GPC3: variants seen among roughly 807,000 people sequenced by gnomAD.
GPC3 encodes glypican 3.
Under a neutral mutation model 34.4 loss-of-function variants are expected in GPC3, and 3 were observed. That is an observed-to-expected ratio of 0.09 (90% CI 0.04 to 0.23). GPC3 has a LOEUF of 0.23. Ranked by LOEUF, GPC3 falls within the 10% of genes least tolerant of loss-of-function variation. The pLI, the probability that GPC3 is intolerant of heterozygous loss-of-function variation, is 1.00. For missense variants in GPC3, 351 were observed against 445.6 expected (o/e 0.79, Z 1.91); for synonymous variants, 177 against 174.0 (o/e 1.02, Z -0.13).
intron 3 of GPC3, among the ~76,000 whole-genome samples, chrX:133,726,279 C>A (rs1368843515): frequency 9.0e-6 from 1 of 111,546 alleles, no homozygotes. Context: ...GGTTACAACT[C>A]CTCTGCAAAA....
intron 2 of GPC3, among the ~76,000 whole-genome samples, chrX:133,829,132 G>A (rs1327298749): frequency 9.0e-6 from 1 of 111,677 alleles, no homozygotes; most frequent in Non-Finnish European, 1.9e-5. Flanking sequence ...ATAAAAGGTT[G>A]GAAGAAAACA....
At chrX:133,963,734 A>C (rs994038595) in intron 1 of GPC3, among the ~76,000 whole-genome samples, 3 of 111,754 alleles carry the variant, frequency 2.7e-5, no homozygotes, top group Non-Finnish European at 3.8e-5. Flanking sequence ...TATCCCTACT[A>C]TTAAGTTATA....
At chrX:133,914,131 G>T (rs1279569616) in intron 2 of GPC3, among the ~76,000 whole-genome samples, 1 of 111,332 alleles carries the variant, frequency 9.0e-6, no homozygotes, top group Non-Finnish European at 1.9e-5. Context: ...CAATGGTGAG[G>T]AATGTTTGAG....
chrX:133,623,221 G>C (rs1286044608), intron 6 of GPC3, among the ~76,000 whole-genome samples: 1 of 111,839 alleles, frequency 8.9e-6, no homozygotes, highest in Non-Finnish European at 1.9e-5. Flanking sequence ...AAATTATAAA[G>C]ACAATCAAGG....
intron 2 of GPC3, among the ~76,000 whole-genome samples, chrX:133,925,941 C>G (rs781266864): frequency 9.0e-6 from 1 of 111,340 alleles, no homozygotes; most frequent in African/African-American, 3.3e-5. Context: ...GAACTAGCAA[C>G]TAAAGCTAAC....
chrX:133,645,568 T>C (rs955409201), intron 6 of GPC3, among the ~76,000 whole-genome samples: 1 of 112,134 alleles, frequency 8.9e-6, no homozygotes, highest in Non-Finnish European at 1.9e-5. Flanking sequence ...CTGTTCATCA[T>C]TGCTAGCCAA....
At chrX:133,599,194 T>C (rs2069953827) in intron 6 of GPC3, among the ~76,000 whole-genome samples, 1 of 112,256 alleles carries the variant, frequency 8.9e-6, no homozygotes, top group Non-Finnish European at 1.9e-5. Context: ...GAGATGCACA[T>C]TGACATGGTT....
intron 3 of GPC3, among the ~76,000 whole-genome samples, chrX:133,714,767 A>G (rs2071299029): frequency 8.9e-6 from 1 of 111,843 alleles, no homozygotes; most frequent in Admixed American, 9.5e-5. Flanking sequence ...TATTTGCAGC[A>G]ATCCGAGAAG....
At chrX:133,927,258 G>A (rs1436399933) in intron 2 of GPC3, among the ~76,000 whole-genome samples, 1 of 110,114 alleles carries the variant, frequency 9.1e-6, no homozygotes, top group Non-Finnish European at 1.9e-5. Context: ...TGTTTTGAAC[G>A]ATGCCAGAGA....
chrX:133,542,558 A>G (rs1569377365), intron 7 of GPC3, among the ~76,000 whole-genome samples: 1 of 112,460 alleles, frequency 8.9e-6, no homozygotes, highest in Non-Finnish European at 1.9e-5. Flanking sequence ...TCAAAATGCC[A>G]GGAGAGAAAA....
intron 1 of GPC3, among the ~76,000 whole-genome samples, chrX:133,957,942 C>T (rs191932542): frequency 1.3e-3 from 145 of 110,969 alleles, no homozygotes; most frequent in African/African-American, 4.5e-3. Context: ...TAGCAATTGA[C>T]TATTCAAATG....
intron 6 of GPC3, among the ~76,000 whole-genome samples, chrX:133,643,535 T>TA (rs1333210991): frequency 1.8e-5 from 2 of 111,885 alleles, no homozygotes; most frequent in Admixed American, 9.5e-5. Context: ...CAGAGAGGTA[T>TA]AAAAAAAGAA....
At chrX:133,971,161 G>A (rs1241498118) in intron 1 of GPC3, among the ~76,000 whole-genome samples, 3 of 112,158 alleles carry the variant, frequency 2.7e-5, no homozygotes, top group Non-Finnish European at 5.6e-5. Context: ...GAACAAAGAT[G>A]CAATTTTCAT....
intron 2 of GPC3, among the ~76,000 whole-genome samples, chrX:133,930,316 C>T (rs1185385720): frequency 1.8e-5 from 2 of 111,871 alleles, no homozygotes; most frequent in Admixed American, 1.9e-4. Context: ...AGGGATGCTG[C>T]TAAACATTCT....
intron 4 of GPC3, among the ~76,000 whole-genome samples, chrX:133,697,904 C>T (rs891617860): frequency 9.0e-6 from 1 of 111,247 alleles, no homozygotes; most frequent in Admixed American, 9.6e-5. Context: ...TGATCCGTTG[C>T]CGCTTTAGAC....
intron 3 of GPC3, among the ~76,000 whole-genome samples, chrX:133,711,543 C>T (rs1388399187): frequency 9.0e-6 from 1 of 111,376 alleles, no homozygotes; most frequent in Admixed American, 9.6e-5. Flanking sequence ...ACCATCCCAA[C>T]GGCCTCTTAA....
At chrX:133,614,312 C>T (rs1258309029) in intron 6 of GPC3, among the ~76,000 whole-genome samples, 1 of 111,461 alleles carries the variant, frequency 9.0e-6, no homozygotes, top group Non-Finnish European at 1.9e-5. Flanking sequence ...CTATGTATGT[C>T]AATCAAACTG....
intron 2 of GPC3, among the ~76,000 whole-genome samples, chrX:133,900,185 C>T (rs778729145): frequency 1.1e-4 from 12 of 112,275 alleles, no homozygotes; most frequent in African/African-American, 1.9e-4. Context: ...AGGAGCAGGC[C>T]CAAAGTATTC....
At chrX:133,650,457 C>CACA (rs770442258) in intron 6 of GPC3, among the ~76,000 whole-genome samples, 24 of 97,692 alleles carry the variant, frequency 2.5e-4, no homozygotes, top group African/African-American at 8.8e-4. Flanking sequence ...ACACACCCAC[C>CACA]CACACACACA....
Sources: allele counts gnomAD v4.1 joint callset (sites outside exome capture counted in the v4.1 genomes callset), GRCh38; gene constraint gnomAD v4.1.1; transcripts MANE v1.5; gene names NCBI Gene and HGNC (gene_info 2026-07-23, HGNC 2026-07-21).